ARID5A: variants seen among roughly 807,000 people sequenced by gnomAD.
The protein encoded by ARID5A is AT-rich interaction domain 5A, also known as AT-rich interactive domain-containing protein 5A.
Under a neutral mutation model 30.5 loss-of-function variants are expected in ARID5A, and 14 were observed. The ratio of observed to expected loss-of-function variants is 0.46; its 90% CI spans 0.30 to 0.72. The LOEUF (loss-of-function observed/expected upper bound fraction) is 0.72. Among genes scored for constraint, ARID5A ranks in the 30% least tolerant of loss-of-function variants. The probability of loss-of-function intolerance (pLI) is 0.07; values close to 1 mark genes in which losing one functional copy is unlikely to be tolerated. For missense variants in ARID5A, 669 were observed against 786.2 expected, an observed-to-expected ratio of 0.85 and a Z score of 1.78; for synonymous variants, 338 against 340.4, an observed-to-expected ratio of 0.99 and a Z score of 0.08.
chr2:96,552,046 C>G lies in ARID5A; in HGVS notation c.1518C>G (p.His506Gln). The change falls in exon 7 of 7, where the codon CAC becomes CAG. Residue 506 changes from histidine to glutamine, a missense_variant. Coordinates refer to ENST00000357485, the MANE Select transcript of ARID5A (RefSeq NM_212481.3). ...PPEAYRGTMLHCPLNFTGTPG... is the reference protein window; with the variant it reads ...PPEAYRGTMLQCPLNFTGTPG... ...AGGCCTACAGGGGCACCATGCTGCA[C>G]TGCCCGCTGAACTTCACTGGCACCC... 3 of 1,566,608 alleles carry G rather than the reference C, an allele frequency of 1.9e-6. No individual in the cohort carries two copies. Among genetic ancestry groups the G allele is most frequent in the Non-Finnish European group, 2.6e-6 (3 of 1,156,120 alleles).
chr2:96,537,824 C>T lies in ARID5A; in HGVS notation c.4+994C>T. ...TGGGGCTTGCGCGGTGCAGGACCCC[C>T]GAGGGCCCAGGGGGTCCCAAGGCGC... On this transcript the variant is annotated intron_variant, in intron 1 of 6. Coordinates refer to ENST00000357485, the MANE Select transcript of ARID5A (RefSeq NM_212481.3). The surrounding 1 kb of genome is among the most constrained non-coding windows in gnomAD (Gnocchi z 4.8). 10 of 978,900 alleles carry T rather than the reference C, an allele frequency of 1.0e-5. No homozygotes were observed. The highest frequency in any genetic ancestry group is 1.2e-5 in the Non-Finnish European group (10 of 823,974). The allele number at this position is 978,900 out of a possible 1,614,324, so 60.6% of individuals were successfully genotyped here.
rs552484350 is a variant in ARID5A, at chr2:96,552,372, C to T, written c.*59C>T. 195 of 1,608,020 alleles carry T rather than the reference C, an allele frequency of 1.2e-4. 1 individual carries two copies. The highest frequency in any genetic ancestry group is 1.5e-4 in the Non-Finnish European group (174 of 1,177,976). ...GACAGGGGCCTACAACAGGCAGGTA[C>T]TGCTGCCAGGGGGCTCTGAACTAGT... On this transcript the variant is annotated 3_prime_UTR_variant, in exon 7 of 7. Coordinates refer to ENST00000357485, the MANE Select transcript of ARID5A (RefSeq NM_212481.3).
chr2:96,541,942 G>A (rs774365323), intron 1 of ARID5A, among the ~76,000 whole-genome samples: 11 of 152,202 alleles, frequency 7.2e-5, no homozygotes, highest in African/African-American at 1.7e-4. Flanking sequence ...GCTGGGAGAC[G>A]GGGCCTCCAG....
chr2:96,541,888 A>G (rs557098057), intron 1 of ARID5A, among the ~76,000 whole-genome samples: 1 of 152,346 alleles, frequency 6.6e-6, no homozygotes, highest in South Asian at 2.1e-4. Context: ...AGCAGCAGCT[A>G]TCAGGGGCAA....
At chr2:96,546,349 A>T (rs1240121495) in intron 1 of ARID5A, among the ~76,000 whole-genome samples, 2 of 152,272 alleles carry the variant, frequency 1.3e-5, no homozygotes. Context: ...CTGGTCTGGT[A>T]TCTGCTGCCA....
intron 1 of ARID5A, among the ~76,000 whole-genome samples, chr2:96,540,023 T>C (rs980150752): frequency 1.3e-5 from 2 of 152,240 alleles, no homozygotes; most frequent in African/African-American, 4.8e-5. Context: ...GGATAAGCTC[T>C]GTGGCCCCAG....
rs1573202521 is a variant in ARID5A, at chr2:96,550,543, C to A, written c.411-31C>A. The A allele has an allele frequency of 6.4e-7, 1 of 1,572,296 alleles. No individual in the cohort carries two copies. The highest frequency in any genetic ancestry group is 8.6e-7 in the Non-Finnish European group (1 of 1,159,382). On this transcript the variant is annotated intron_variant, in intron 5 of 6. Transcript: ENST00000357485. This position sits in a 1 kb window ranked among gnomAD's most constrained non-coding sequence, Gnocchi z 6.6. ...GCCCAGGGAGGGGATGGGCGCCGGC[C>A]TCCTGGGGGACATGCGTGGTTCCTC...
In ARID5A at chr2:96,549,269, G is replaced by A. The variant is rs1382656269; in HGVS notation, c.121-52G>A. 6.3e-7 allele frequency: 1 copy of A among 1,589,850 alleles called. No individual in the cohort carries two copies. The highest frequency in any genetic ancestry group is 8.6e-7 in the Non-Finnish European group (1 of 1,168,206). ...AGCCAGTGGTTTCTGCACATCCCCA[G>A]CAGCCAGCCACCAACTGGGGCCCAT... On this transcript the variant is annotated intron_variant, in intron 2 of 6. Coordinates refer to ENST00000357485, the MANE Select transcript of ARID5A (RefSeq NM_212481.3). The surrounding 1 kb of genome is among the most constrained non-coding windows in gnomAD (Gnocchi z 6.1).
intron 1 of ARID5A, among the ~76,000 whole-genome samples, chr2:96,543,294 C>T (rs1176786203): frequency 2.0e-5 from 3 of 152,222 alleles, no homozygotes; most frequent in Non-Finnish European, 4.4e-5. Flanking sequence ...AATGGAATTC[C>T]TCCGGGACTG....
Position 96,550,677 on chromosome 2 carries a change from G to A in ARID5A, c.514G>A (p.Asp172Asn), listed in dbSNP as rs551537636. The A allele has an allele frequency of 6.2e-7, 1 of 1,602,110 alleles. No homozygotes were observed. ...QYKMAKENRGDDGATERPKKA... is the reference protein window; with the variant it reads ...QYKMAKENRGNDGATERPKKA... ...CAAGATGGCTAAGGAGAACAGGGGG[G>A]ATGATGGGGCCACCGAGAGGCCGAA... The change falls in exon 6 of 7, where the codon GAT (aspartate) becomes AAT (asparagine). Residue 172 changes from aspartate (D) to asparagine (N), a missense_variant. By Grantham distance (23) the Asp-to-Asn change is conservative (BLOSUM62 1). This residue lies in a region of ARID5A where 548 missense variants were observed against 577.4 expected (regional missense o/e 0.95). Coordinates refer to ENST00000357485, the MANE Select transcript of ARID5A (RefSeq NM_212481.3). This position sits in a 1 kb window ranked among gnomAD's most constrained non-coding sequence, Gnocchi z 6.6.
At chr2:96,548,260 C>G (rs1171544384) in intron 2 of ARID5A, among the ~76,000 whole-genome samples, 4 of 148,790 alleles carry the variant, frequency 2.7e-5, no homozygotes, top group Non-Finnish European at 6.0e-5. Flanking sequence ...CTGAAATAAA[C>G]TTGAATCAAT....
intron 1 of ARID5A, among the ~76,000 whole-genome samples, chr2:96,541,519 A>G (rs2065845336): frequency 6.6e-6 from 1 of 152,208 alleles, no homozygotes; most frequent in Admixed American, 6.5e-5. Context: ...TGTGTTCCTT[A>G]TAAGCACTGA....
rs1441510509 is a variant in ARID5A, at chr2:96,551,904, T to C, written c.1376T>C (p.Leu459Pro). 15 of 1,538,936 alleles carry C rather than the reference T, an allele frequency of 9.7e-6. No homozygotes were observed. Among genetic ancestry groups the C allele is most frequent in the Non-Finnish European group, 1.3e-5 (15 of 1,145,028 alleles). ...EEGAAHSGKR[L>P]RAVSPFLKEA... ...GGTGCTGCCCACAGTGGGAAGAGACTGCGGGCCGTGTCTCCCTTTCTTAAG... is the reference window on the plus strand; with the variant it reads ...GGTGCTGCCCACAGTGGGAAGAGACCGCGGGCCGTGTCTCCCTTTCTTAAG... Residue 459 changes from leucine (L) to proline (P), a missense_variant, in exon 7 of 7, where the codon CTG (leucine) becomes CCG (proline). By Grantham distance (98) the Leu-to-Pro change is moderately conservative. This residue lies in a region of ARID5A where 548 missense variants were observed against 577.4 expected (regional missense o/e 0.95). Coordinates refer to ENST00000357485, the MANE Select transcript of ARID5A (RefSeq NM_212481.3).
rs1241556475 is a variant in ARID5A, at chr2:96,550,763, G to C, written c.570+30G>C. 2.0e-6 allele frequency: 3 copies of C among 1,522,526 alleles called. No individual in the cohort carries two copies. The East Asian group carries it at 7.3e-5, about 37-fold the overall frequency. 94.3% of individuals were successfully genotyped at this position (1,522,526 alleles called of 1,614,324 possible). ...GCCTGCGGCTGGCTGGGGCCACCCT[G>C]TCCCTTGCCTCTTGTAGCCCCCTAC... On this transcript the variant is annotated intron_variant, in intron 6 of 6. Coordinates refer to ENST00000357485, the MANE Select transcript of ARID5A (RefSeq NM_212481.3). The surrounding 1 kb of genome is among the most constrained non-coding windows in gnomAD (Gnocchi z 6.6).
In ARID5A at chr2:96,551,975, C is replaced by T; in HGVS notation, c.1447C>T (p.Leu483=). The change falls in exon 7 of 7, where the codon CTG becomes TTG. Residue 483 remains leucine (L), a synonymous_variant. Transcript: ENST00000357485. ...KCGAKPAGSG[L]VSCLLGPALG... is the part of the protein sequence containing the mutation. ...TGGGGCCAAACCTGCAGGGTCCGGCCTGGTCTCCTGCCTTCTGGGCCCAGC... is the reference window on the plus strand; with the variant it reads ...TGGGGCCAAACCTGCAGGGTCCGGCTTGGTCTCCTGCCTTCTGGGCCCAGC... 1.3e-6 allele frequency: 2 copies of T among 1,520,226 alleles called. No homozygotes were observed. The highest frequency in any genetic ancestry group is 1.8e-6 in the Non-Finnish European group (2 of 1,135,108). The allele number at this position is 1,520,226 out of a possible 1,614,324, so 94.2% of individuals were successfully genotyped here.
At chr2:96,547,151 ATTCT>A (rs2065943133) in intron 1 of ARID5A, among the ~76,000 whole-genome samples, 1 of 150,620 alleles carries the variant, frequency 6.6e-6, no homozygotes, top group Non-Finnish European at 1.5e-5. Flanking sequence ...CCCCTGGCCA[ATTCT>A]TTTTTTTTTT....
In ARID5A at chr2:96,549,216, G is replaced by C. The variant is rs1279435633; in HGVS notation, c.121-105G>C. On this transcript the variant is annotated intron_variant, in intron 2 of 6. Coordinates refer to ENST00000357485, the MANE Select transcript of ARID5A (RefSeq NM_212481.3). The surrounding 1 kb of genome is among the most constrained non-coding windows in gnomAD (Gnocchi z 6.1). ...GCTAGGTGTTCTCTGGGAAACTGGGGTTGGGGTAGGTACCTTATTCCTCCT... is the reference window on the plus strand; with the variant it reads ...GCTAGGTGTTCTCTGGGAAACTGGGCTTGGGGTAGGTACCTTATTCCTCCT... The C allele has an allele frequency of 6.5e-7, 1 of 1,527,146 alleles. No individual in the cohort carries two copies. The highest frequency in any genetic ancestry group is 2.3e-5 in the East Asian group (1 of 44,074). 94.6% of individuals were successfully genotyped at this position (1,527,146 alleles called of 1,614,324 possible).
In ARID5A at chr2:96,549,691, G is replaced by A. The variant is rs760774536; in HGVS notation, c.260-62G>A. 1 of 1,605,176 alleles carries A rather than the reference G, an allele frequency of 6.2e-7. No individual in the cohort carries two copies. Among genetic ancestry groups the A allele is most frequent in the Non-Finnish European group, 8.5e-7 (1 of 1,172,184 alleles). On this transcript the variant is annotated intron_variant, in intron 3 of 6. Coordinates refer to ENST00000357485, the MANE Select transcript of ARID5A (RefSeq NM_212481.3). The surrounding 1 kb of genome is among the most constrained non-coding windows in gnomAD (Gnocchi z 6.1). ...CTGGCCTGTCAGGGCACCAGGAAGG[G>A]GTGGCATGCTGTCCCCACCTCCCAC...
intron 1 of ARID5A, among the ~76,000 whole-genome samples, chr2:96,543,953 G>T (rs1019321314): frequency 6.6e-6 from 1 of 152,162 alleles, no homozygotes; most frequent in Non-Finnish European, 1.5e-5. Flanking sequence ...CAGTGAACAC[G>T]CATGGTAAAG....
Sources: allele counts gnomAD v4.1 joint callset (sites outside exome capture counted in the v4.1 genomes callset), GRCh38; gene constraint gnomAD v4.1.1; regional missense constraint gnomAD v4.1.1; non-coding constraint Gnocchi (gnomAD v3.1); transcripts MANE v1.5; gene names NCBI Gene and HGNC (gene_info 2026-07-23, HGNC 2026-07-21).